Variants in USP32 observed in about 807,000 individuals in gnomAD.
USP32 encodes the protein ubiquitin carboxyl-terminal hydrolase 32.
A neutral mutation model predicts 204.8 loss-of-function variants in USP32; 59 were observed. The ratio of observed to expected loss-of-function variants is 0.29; its 90% CI spans 0.23 to 0.36. The LOEUF is 0.36. USP32 is among the 10% of genes least tolerant of loss of function. The pLI, the probability that USP32 is intolerant of heterozygous loss-of-function variation, is 1.00. For missense variants in USP32, 1,160 were observed against 1,946.4 expected, an observed-to-expected ratio of 0.60 and a Z score of 7.60; for synonymous variants, 517 against 678.4, an observed-to-expected ratio of 0.76 and a Z score of 3.70.
intron 14 of USP32, 65 bp downstream of exon 14, chr17:60,223,346 C>G: frequency 6.9e-7 from 1 of 1,455,700 alleles, no homozygotes; most frequent in Admixed American, 2.0e-5. Flanking sequence ...GCTAAAACCT[C>G]TGAAATGAAA....
At chr17:60,215,911 G>C (rs1391192720) in intron 16 of USP32, among the ~76,000 whole-genome samples, 1 of 152,056 alleles carries the variant, frequency 6.6e-6, no homozygotes, top group Non-Finnish European at 1.5e-5. Context: ...TGTTGCCCAG[G>C]CTGGTTTTGA....
At chr17:60,186,632 C>T (rs1054033562) in intron 29 of USP32, among the ~76,000 whole-genome samples, 2 of 152,192 alleles carry the variant, frequency 1.3e-5, no homozygotes, top group Non-Finnish European at 2.9e-5. Context: ...GCCCCTAATA[C>T]TCACCCAAAC....
In USP32 at chr17:60,183,325, C is replaced by T; in HGVS notation, c.3963G>A (p.Gln1321=). The T allele has an allele frequency of 6.2e-7, 1 of 1,613,984 alleles. No homozygotes were observed. The highest frequency in any genetic ancestry group is 8.5e-7 in the Non-Finnish European group (1 of 1,179,864). ...FLVPRDPALC[Q]HKPLTPQGDE... is the part of the protein sequence containing the mutation. ...CCCCCTGGGGTGTGAGTGGTTTATG[C>T]TGGCAGAGAGCCGGGTCTCTTGGTA... Residue 1321 remains glutamine (Q), a synonymous_variant, in exon 31 of 34, where the codon CAG becomes CAA. Coordinates refer to ENST00000300896, the MANE Select transcript of USP32 (RefSeq NM_032582.4).
intron 2 of USP32, among the ~76,000 whole-genome samples, chr17:60,333,977 C>T (rs905435806): frequency 2.0e-5 from 3 of 152,068 alleles, no homozygotes; most frequent in African/African-American, 7.2e-5. Flanking sequence ...ATATGGGTCA[C>T]ATGGTGTTAT....
At chr17:60,273,252 C>T (rs2086764764) in intron 5 of USP32, among the ~76,000 whole-genome samples, 2 of 152,144 alleles carry the variant, frequency 1.3e-5, no homozygotes, top group Admixed American at 6.5e-5. Context: ...GGATTACTTA[C>T]AGGCATGAGT....
chr17:60,392,373 C>T (rs187868295), upstream of USP32: 956 of 263,862 alleles, frequency 3.6e-3, 13 homozygotes, highest in African/African-American at 0.021. Flanking sequence ...GGACGCATCT[C>T]CGCACGTAAC....
chr17:60,219,815 C>T (rs774681984), intron 15 of USP32, 28 bp from the exon 16 acceptor site: 14 of 1,574,968 alleles, frequency 8.9e-6, no homozygotes, highest in Middle Eastern at 1.7e-4. Context: ...AAAAAGAGAT[C>T]ACTAAAAAAA....
chr17:60,206,814 C>T (rs897431045), intron 25 of USP32, among the ~76,000 whole-genome samples: 10 of 152,132 alleles, frequency 6.6e-5, no homozygotes, highest in Non-Finnish European at 1.2e-4. Flanking sequence ...TATTAGCTAA[C>T]GACTACCTAT....
intron 14 of USP32, 41 bp from the exon 15 acceptor site, chr17:60,222,590 CA>C: frequency 6.4e-7 from 1 of 1,568,124 alleles, no homozygotes; most frequent in Non-Finnish European, 8.7e-7. Flanking sequence ...TTCAATATTA[CA>C]AAAGTTTTTG....
chr17:60,332,548 TG>T (rs1294095172), intron 2 of USP32, among the ~76,000 whole-genome samples: 2 of 151,888 alleles, frequency 1.3e-5, no homozygotes, highest in African/African-American at 4.8e-5. Flanking sequence ...CTCGGGAAGC[TG>T]AAGCAGGAGA....
intron 2 of USP32, among the ~76,000 whole-genome samples, chr17:60,303,772 A>C (rs1359815574): frequency 6.6e-6 from 1 of 152,204 alleles, no homozygotes; most frequent in African/African-American, 2.4e-5. Flanking sequence ...CGAAGGAAAA[A>C]TATGCTAATG....
intron 11 of USP32, among the ~76,000 whole-genome samples, chr17:60,242,178 G>T (rs1035739900): frequency 2.6e-5 from 4 of 152,068 alleles, no homozygotes; most frequent in African/African-American, 9.7e-5. Flanking sequence ...CTATTCACAG[G>T]TGTGATCACT....
intron 5 of USP32, among the ~76,000 whole-genome samples, chr17:60,276,572 GT>G (rs1293442008): frequency 1.3e-5 from 2 of 152,036 alleles, no homozygotes; most frequent in African/African-American, 4.8e-5. Context: ...GATAGAAACT[GT>G]TCTTATTTCT....
intron 3 of USP32, among the ~76,000 whole-genome samples, chr17:60,298,465 C>A (rs2087494121): frequency 6.6e-6 from 1 of 152,014 alleles, no homozygotes; most frequent in African/African-American, 2.4e-5. Context: ...TATTTTAAAT[C>A]ATCATTAGGT....
In USP32 at chr17:60,236,276, A is replaced by G. The variant is rs1178175226; in HGVS notation, c.1137-36T>C. 1.9e-6 allele frequency: 3 copies of G among 1,544,840 alleles called. No individual in the cohort carries two copies. In the East Asian group the frequency reaches 6.7e-5, roughly 35 times the overall value. On this transcript the variant is annotated intron_variant, in intron 11 of 33. Transcript: ENST00000300896. Reference sequence around the variant, plus strand: ...AAAAGAAATTAAATACATCAAACAAAGTGTGAAATAGGTGGCAACGCACAA... The same window carrying G: ...AAAAGAAATTAAATACATCAAACAAGGTGTGAAATAGGTGGCAACGCACAA...
At chr17:60,313,493 C>T (rs1157343201) in intron 2 of USP32, among the ~76,000 whole-genome samples, 2 of 151,802 alleles carry the variant, frequency 1.3e-5, no homozygotes, top group African/African-American at 2.4e-5. Flanking sequence ...AAATAAAGGG[C>T]CCCTTGAAAT....
chr17:60,361,873 T>G (rs914843760), intron 1 of USP32, among the ~76,000 whole-genome samples: 1 of 152,174 alleles, frequency 6.6e-6, no homozygotes, highest in Non-Finnish European at 1.5e-5. Flanking sequence ...TGTATATATA[T>G]ATATGCCATT....
rs191223225 is a variant in USP32 at position 60,203,696 on chromosome 17, C to G, written c.3249+1751G>C. On this transcript the variant is annotated intron_variant, in intron 26 of 33. Coordinates refer to ENST00000300896, the MANE Select transcript of USP32 (RefSeq NM_032582.4). ...GGTTCAAGCGATTCTCCTGCCTCAG[C>G]CTCCTGAGTAGCTAGGACTACCGGC... Among the ~76,000 whole-genome samples, 1,055 of 152,224 alleles carry G rather than the reference C, an allele frequency of 6.9e-3. 15 individuals carry two copies. Among genetic ancestry groups the G allele is most frequent in the African/African-American group, 0.023 (959 of 41,544 alleles).
At chr17:60,361,986 C>T (rs1209320621) in intron 1 of USP32, among the ~76,000 whole-genome samples, 2 of 152,142 alleles carry the variant, frequency 1.3e-5, no homozygotes, top group Non-Finnish European at 2.9e-5. Context: ...TTCCCTTCTA[C>T]TATGTCCATA....
Sources: gnomAD v4.1 joint callset for allele counts (sites outside exome capture counted in the v4.1 genomes callset) on GRCh38, gnomAD v4.1.1 for gene constraint, MANE v1.5 for transcripts, NCBI Gene and HGNC (gene_info 2026-07-23, HGNC 2026-07-21) for gene names.